Variants in SLC22A2 observed in about 807,000 individuals in gnomAD.
SLC22A2 encodes the protein solute carrier family 22 member 2.
A neutral mutation model predicts 60.5 loss-of-function variants in SLC22A2; 46 were observed. The observed-to-expected ratio is 0.76, with a 90% CI of 0.60 to 0.97. The LOEUF is 0.97. Among genes scored for constraint, SLC22A2 ranks in the 50% least tolerant of loss-of-function variants. SLC22A2 has a pLI of 0.00. For missense variants in SLC22A2, 701 were observed against 706.6 expected, an observed-to-expected ratio of 0.99 and a Z score of 0.09; for synonymous variants, 303 against 267.0, an observed-to-expected ratio of 1.13 and a Z score of -1.31.
chr6:160,235,934 G>A (rs758981283), intron 9 of SLC22A2, among the ~76,000 whole-genome samples: 2 of 152,158 alleles, frequency 1.3e-5, no homozygotes, highest in Non-Finnish European at 2.9e-5. Flanking sequence ...TTAATGGTAT[G>A]TGTTCCAAAA....
chr6:160,237,346 G>A (rs1450745784), intron 9 of SLC22A2, among the ~76,000 whole-genome samples: 1 of 152,054 alleles, frequency 6.6e-6, no homozygotes, highest in South Asian at 2.1e-4. Context: ...CTTTACTGTT[G>A]TGGAACATAT....
At chr6:160,242,598 TTCTC>T (rs1386273597) in intron 7 of SLC22A2, among the ~76,000 whole-genome samples, 196 bp from the exon 8 acceptor site, 6 of 136,408 alleles carry the variant, frequency 4.4e-5, no homozygotes, top group African/African-American at 1.5e-4. Context: ...ACAATGCTAA[TTCTC>T]TCTTTTTTAA....
chr6:160,233,848 C>A (rs1438077039), intron 9 of SLC22A2, among the ~76,000 whole-genome samples: 1 of 151,758 alleles, frequency 6.6e-6, no homozygotes, highest in Non-Finnish European at 1.5e-5. Flanking sequence ...ATACCACCCC[C>A]CAAAATTTTC....
At chr6:160,238,179 C>T (rs1782940346) in intron 9 of SLC22A2, among the ~76,000 whole-genome samples, 1 of 152,196 alleles carries the variant, frequency 6.6e-6, no homozygotes, top group Non-Finnish European at 1.5e-5. Flanking sequence ...ATCCAAGAAC[C>T]CTCTCTTGGG....
chr6:160,247,098 CCT>C, intron 5 of SLC22A2, 84 bp downstream of exon 5: 10 of 805,502 alleles, frequency 1.2e-5, no homozygotes, highest in Non-Finnish European at 2.1e-5. Context: ...TCCATGGTTC[CCT>C]GCTGAGATCA....
intron 10 of SLC22A2, among the ~76,000 whole-genome samples, chr6:160,223,087 G>A (rs1313708592): frequency 2.5e-4 from 38 of 152,108 alleles, no homozygotes; most frequent in Admixed American, 2.5e-3. Context: ...TAAACATGAA[G>A]GTTTGGTAAA....
At chr6:160,218,235 T>C in intron 10 of SLC22A2, 1 of 246,518 alleles carries the variant, frequency 4.1e-6, no homozygotes, top group Non-Finnish European at 8.1e-6. Context: ...TCTCTAAAGC[T>C]CCAGATGGGG....
Position 160,221,329 on chromosome 6 carries a change from G to C in SLC22A2, c.1601+3376C>G, listed in dbSNP as rs554184283. On this transcript the variant is annotated intron_variant, in intron 10 of 10. Coordinates refer to ENST00000366953, the MANE Select transcript of SLC22A2 (RefSeq NM_003058.4). ...GTCTCAGCCTTCATATAATGGAAAAGAGTTAGGGCTTTGTTCTGGGTTAGG... is the reference window on the plus strand; with the variant it reads ...GTCTCAGCCTTCATATAATGGAAAACAGTTAGGGCTTTGTTCTGGGTTAGG... 7.9e-5 allele frequency among the ~76,000 whole-genome samples: 12 copies of C among 152,342 alleles called. No homozygotes were observed. The South Asian group carries it at 1.2e-3, about 16-fold the overall frequency.
At chr6:160,256,856 A>G in intron 1 of SLC22A2, 139 bp from the exon 2 acceptor site, 1 of 599,876 alleles carries the variant, frequency 1.7e-6, no homozygotes, top group East Asian at 2.8e-5. Flanking sequence ...GCAATAAGCC[A>G]TTGTTTCTTG....
chr6:160,228,174 C>T (rs1157294500), intron 9 of SLC22A2, among the ~76,000 whole-genome samples: 1 of 152,172 alleles, frequency 6.6e-6, no homozygotes, highest in Non-Finnish European at 1.5e-5. Context: ...TCCAAGAACC[C>T]TCTCTTGGGG....
chr6:160,226,511 A>C (rs562865952), intron 9 of SLC22A2, among the ~76,000 whole-genome samples: 1 of 152,288 alleles, frequency 6.6e-6, no homozygotes, highest in East Asian at 1.9e-4. Context: ...ACCATGTTCA[A>C]ATAAGGCAAA....
chr6:160,258,629 C>A lies in SLC22A2; in HGVS notation c.129G>T (p.Leu43=). Reference sequence around the variant, plus strand: ...GGCAGCGGTGGTCAGGGGTGAAGCCCAGGAAGACGATGCCCACGTAGATGG... The same window carrying A: ...GGCAGCGGTGGTCAGGGGTGAAGCCAAGGAAGACGATGCCCACGTAGATGG... The part of the protein sequence containing the change: ...FAPIYVGIVF[L]GFTPDHRCRS... The change falls in exon 1 of 11, where the codon CTG becomes CTT. Residue 43 remains leucine (L), a synonymous_variant. Coordinates refer to ENST00000366953, the MANE Select transcript of SLC22A2 (RefSeq NM_003058.4). 6.2e-7 allele frequency: 1 copy of A among 1,613,920 alleles called. No individual in the cohort carries two copies. Among genetic ancestry groups the A allele is most frequent in the Non-Finnish European group, 8.5e-7 (1 of 1,179,952 alleles).
At chr6:160,243,302 T>C (rs1289775470) in intron 7 of SLC22A2, among the ~76,000 whole-genome samples, 12 of 152,114 alleles carry the variant, frequency 7.9e-5, no homozygotes, top group Non-Finnish European at 1.8e-4. Context: ...CCAAGGCCCA[T>C]GCTCTCTGCT....
intron 3 of SLC22A2, among the ~76,000 whole-genome samples, chr6:160,250,132 T>C (rs1783159109): frequency 1.3e-5 from 2 of 152,242 alleles, no homozygotes; most frequent in African/African-American, 2.4e-5. Flanking sequence ...AGTTTCCTTA[T>C]GTGTAAGTTG....
At chr6:160,232,001 G>T (rs1437817814) in intron 9 of SLC22A2, among the ~76,000 whole-genome samples, 2 of 151,966 alleles carry the variant, frequency 1.3e-5, no homozygotes, top group South Asian at 4.1e-4. Context: ...GGCTACCACT[G>T]TGTTAATGCT....
chr6:160,233,722 T>C (rs1172494618), intron 9 of SLC22A2, among the ~76,000 whole-genome samples: 1 of 151,804 alleles, frequency 6.6e-6, no homozygotes, highest in African/African-American at 2.4e-5. Context: ...CAAATGCGCC[T>C]TCTAACAACC....
At chr6:160,256,766 A>G (rs1783279340) in intron 1 of SLC22A2, 49 bp from the exon 2 acceptor site, 8 of 1,248,298 alleles carry the variant, frequency 6.4e-6, no homozygotes, top group Non-Finnish European at 8.3e-6. Flanking sequence ...AGGAAATGAA[A>G]TCCTGTTAGA....
chr6:160,258,115 A>G, intron 1 of SLC22A2: 3 of 557,370 alleles, frequency 5.4e-6, no homozygotes, highest in Non-Finnish European at 9.4e-6. Context: ...GACATGCACA[A>G]ACTAGAATCA....
intron 2 of SLC22A2, 139 bp downstream of exon 2, chr6:160,256,475 T>TA: frequency 3.1e-6 from 2 of 635,970 alleles, no homozygotes; most frequent in Non-Finnish European, 5.6e-6. Context: ...TTTAAGATTG[T>TA]AAAAACACCA....
Sources: gnomAD v4.1 joint callset for allele counts (sites outside exome capture counted in the v4.1 genomes callset) on GRCh38, gnomAD v4.1.1 for gene constraint, MANE v1.5 for transcripts, NCBI Gene and HGNC (gene_info 2026-07-23, HGNC 2026-07-21) for gene names.